ITPA: variants seen among roughly 807,000 people sequenced by gnomAD.
ITPA encodes the protein inosine triphosphatase.
ITPA carries 29 observed loss-of-function variants against 29.6 expected under a neutral mutation model. That is an observed-to-expected ratio of 0.98 (90% confidence interval 0.73 to 1.34). ITPA has a LOEUF of 1.34. ITPA is among the 40% of genes most tolerant of loss of function. The pLI is 0.00. For missense variants in ITPA, 241 were observed against 251.5 expected (o/e 0.96, Z 0.28); for synonymous variants, 103 against 99.3 (o/e 1.04, Z -0.22).
chr20:3,209,454 C>A, upstream of ITPA: 1 of 1,181,564 alleles, frequency 8.5e-7, no homozygotes, highest in Non-Finnish European at 1.2e-6. This position sits in a 1 kb window ranked among gnomAD's most constrained non-coding sequence, Gnocchi z 4.6. Context: ...GACCCCTGGC[C>A]GGAAACTGAG....
rs201971455 is a variant in ITPA, at chr20:3,214,053, C to T, written c.258C>T (p.Pro86=). Residue 86 remains proline, a synonymous_variant, in exon 4 of 8, where the codon CCC becomes CCT. Transcript: ENST00000380113. ...CFNALGGLPG[P]YIKWFLEKLK... Reference sequence around the variant, plus strand: ...ATGCCCTTGGAGGGCTCCCCGGCCCCTACATGTGAGTGACTACCTCCACCC... The same window carrying T: ...ATGCCCTTGGAGGGCTCCCCGGCCCTTACATGTGAGTGACTACCTCCACCC... 193 of 1,614,200 alleles carry T rather than the reference C, an allele frequency of 1.2e-4. No individual in the cohort carries two copies. Among genetic ancestry groups the T allele is most frequent in the Non-Finnish European group, 1.8e-5 (21 of 1,180,006 alleles).
At chr20:3,227,174 G>A (rs1323558587), downstream of ITPA, among the ~76,000 whole-genome samples, 2 of 152,210 alleles carry the variant, frequency 1.3e-5, no homozygotes, top group Non-Finnish European at 2.9e-5. Flanking sequence ...TCGCTCCTCT[G>A]GACCCTTGCA....
Position 3,214,161 on chromosome 20 carries a change from A to G in ITPA, c.263+103A>G, listed in dbSNP as rs986347456. ...ACTGCAGGTCATTCCCTGTCTTAGC[A>G]TCAACAGCCTTTCACGTTGTCCCGA... On this transcript the variant is annotated intron_variant, in intron 4 of 7. Transcript: ENST00000380113. 1.1e-5 allele frequency: 11 copies of G among 982,884 alleles called. No individual in the cohort carries two copies. In the Middle Eastern group the frequency reaches 1.8e-3, roughly 165 times the overall value. The allele number at this position is 982,884 out of a possible 1,614,324, so 60.9% of individuals were successfully genotyped here.
chr20:3,225,058 G>T (rs1179369516), downstream of ITPA, among the ~76,000 whole-genome samples: 1 of 152,082 alleles, frequency 6.6e-6, no homozygotes, highest in Non-Finnish European at 1.5e-5. Context: ...ACAAATATTT[G>T]CTGGGCATGG....
Position 3,221,925 on chromosome 20 carries a change from G to C in ITPA, c.488+8G>C. Reference sequence around the variant, plus strand: ...TGATGGATATGAGCAGACGTAAGGAGCCCTGCTTTTCTTCCCTGGGGTGTG... The same window carrying C: ...TGATGGATATGAGCAGACGTAAGGACCCCTGCTTTTCTTCCCTGGGGTGTG... On this transcript the variant is annotated splice_region_variant and intron_variant, in intron 7 of 7. Transcript: ENST00000380113. The C allele has an allele frequency of 6.2e-7, 1 of 1,613,248 alleles. No individual in the cohort carries two copies. The highest frequency in any genetic ancestry group is 1.1e-5 in the South Asian group (1 of 91,076).
At chr20:3,221,941 C>T (rs1042215387) in intron 7 of ITPA, 24 bp downstream of exon 7, 1 of 1,608,936 alleles carries the variant, frequency 6.2e-7, no homozygotes, top group Non-Finnish European at 8.5e-7. Context: ...CTTTTCTTCC[C>T]TGGGGTGTGG....
intron 5 of ITPA, 32 bp downstream of exon 5, chr20:3,215,344 G>A (rs1233149009): frequency 1.2e-6 from 2 of 1,605,952 alleles, no homozygotes; most frequent in South Asian, 2.2e-5. Context: ...CCCTGGATCT[G>A]TTGGGAATGA....
intron 6 of ITPA, among the ~76,000 whole-genome samples, chr20:3,220,059 A>AC (rs2067422812): frequency 6.7e-6 from 1 of 149,082 alleles, no homozygotes; most frequent in Non-Finnish European, 1.5e-5. Context: ...AAAAAAAAAA[A>AC]AAACAAACCT....
At chr20:3,213,427 G>A in intron 3 of ITPA, 44 bp downstream of exon 3, 3 of 1,611,924 alleles carry the variant, frequency 1.9e-6, no homozygotes, top group Non-Finnish European at 2.5e-6. Context: ...TCTTGTCCAG[G>A]TAGCTTCCAG....
intron 7 of ITPA, 39 bp from the exon 8 acceptor site, chr20:3,223,327 T>A (rs771782697): frequency 1.3e-6 from 2 of 1,510,164 alleles, no homozygotes; most frequent in South Asian, 2.3e-5. Context: ...ACTTCCTTCC[T>A]GAATCTGGGC....
intron 3 of ITPA, 62 bp downstream of exon 3, chr20:3,213,445 G>A (rs560426260): frequency 1.4e-5 from 23 of 1,597,604 alleles, no homozygotes; most frequent in East Asian, 1.1e-4. Flanking sequence ...CAGGGCCTGC[G>A]CCTGCTAGAA....
chr20:3,221,930 G>A lies in ITPA; in HGVS notation c.488+13G>A. 1.2e-6 allele frequency: 2 copies of A among 1,612,708 alleles called. No homozygotes were observed. The highest frequency in any genetic ancestry group is 1.7e-6 in the Non-Finnish European group (2 of 1,179,510). On this transcript the variant is annotated intron_variant, in intron 7 of 7. Transcript: ENST00000380113. ...GATATGAGCAGACGTAAGGAGCCCT[G>A]CTTTTCTTCCCTGGGGTGTGGGGTT...
intron 6 of ITPA, among the ~76,000 whole-genome samples, chr20:3,221,092 A>T (rs1010115671): frequency 1.3e-5 from 2 of 151,678 alleles, no homozygotes; most frequent in Non-Finnish European, 2.9e-5. Context: ...CGCCTTTGCC[A>T]CGTGGCTCAG....
At chr20:3,226,103 A>G (rs914027758), downstream of ITPA, among the ~76,000 whole-genome samples, 1 of 152,168 alleles carries the variant, frequency 6.6e-6, no homozygotes, top group African/African-American at 2.4e-5. The surrounding 1 kb of genome is among the most constrained non-coding windows in gnomAD (Gnocchi z 4.4). Flanking sequence ...AATTGAACCT[A>G]AAAGAGGAGT....
At chr20:3,221,656 G>T in intron 6 of ITPA, 185 bp from the exon 7 acceptor site, 1 of 671,986 alleles carries the variant, frequency 1.5e-6, no homozygotes. Context: ...GGGAAGAGCT[G>T]CCCCGCTCTG....
chr20:3,219,978 G>A (rs1198675429), intron 6 of ITPA, among the ~76,000 whole-genome samples: 4 of 149,270 alleles, frequency 2.7e-5, no homozygotes, highest in Admixed American at 1.3e-4. Flanking sequence ...GGAGTTTGAC[G>A]GGACAGTGAG....
chr20:3,215,412 T>A, intron 5 of ITPA, 100 bp downstream of exon 5: 2 of 1,085,156 alleles, frequency 1.8e-6, no homozygotes, highest in Non-Finnish European at 2.8e-6. Context: ...TCCCAGGTTC[T>A]AGCCCCCACC....
chr20:3,213,272 CTG>C (rs1475704550), intron 2 of ITPA, 45 bp from the exon 3 acceptor site: 1 of 1,614,198 alleles, frequency 6.2e-7, no homozygotes, highest in Admixed American at 1.7e-5. Flanking sequence ...TTGGATTTCT[CTG>C]TCTTCCTGTG....
At chr20:3,222,862 C>G (rs919678047) in intron 7 of ITPA, among the ~76,000 whole-genome samples, 1 of 152,236 alleles carries the variant, frequency 6.6e-6, no homozygotes, top group South Asian at 2.1e-4. Context: ...ATAGCCACAC[C>G]TGGCTAGTGG....
Sources: gnomAD v4.1 joint callset for allele counts (sites outside exome capture counted in the v4.1 genomes callset) on GRCh38, gnomAD v4.1.1 for gene constraint, Gnocchi (gnomAD v3.1) non-coding constraint, MANE v1.5 for transcripts, NCBI Gene and HGNC (gene_info 2026-07-23, HGNC 2026-07-21) for gene names.